The following MAGI2 variants were observed in gnomAD, a reference collection of about 807,000 sequenced individuals.
The protein encoded by MAGI2 is membrane-associated guanylate kinase, WW and PDZ domain-containing protein 2.
Under a neutral mutation model 133.3 loss-of-function variants are expected in MAGI2, and 35 were observed. The observed-to-expected ratio is 0.26, with a 90% CI of 0.20 to 0.35. The LOEUF is 0.35. Among genes scored for constraint, MAGI2 ranks in the 10% least tolerant of loss-of-function variants. The pLI is 1.00. For synonymous variants in MAGI2, 729 were observed against 710.6 expected (o/e 1.03, Z -0.41); for missense variants, 1,636 against 1,863.4 (o/e 0.88, Z 2.25).
intron 6 of MAGI2, among the ~76,000 whole-genome samples, chr7:78,420,635 G>A (rs975281549): frequency 6.6e-6 from 1 of 151,884 alleles, no homozygotes; most frequent in East Asian, 1.9e-4. Flanking sequence ...TCTGGAAATG[G>A]TCAGTTATCA....
chr7:78,513,124 AT>A (rs1047178722), intron 4 of MAGI2, among the ~76,000 whole-genome samples: 8 of 150,338 alleles, frequency 5.3e-5, no homozygotes, highest in Admixed American at 6.6e-5. Flanking sequence ...CTTGCCTTCA[AT>A]TTTTTTTTTA....
At chr7:78,671,903 A>T (rs1037991718) in intron 2 of MAGI2, among the ~76,000 whole-genome samples, 1 of 152,210 alleles carries the variant, frequency 6.6e-6, no homozygotes, top group Non-Finnish European at 1.5e-5. Context: ...TGATGACATT[A>T]ATTGGGAGGC....
intron 1 of MAGI2, chr7:79,410,428 G>A (rs562423787): frequency 6.6e-6 from 1 of 152,062 alleles, no homozygotes; most frequent in South Asian, 2.1e-4. Flanking sequence ...TGTACATTGT[G>A]GATGCTTAAT....
At chr7:78,965,463 G>A (rs1484178210) in intron 2 of MAGI2, among the ~76,000 whole-genome samples, 1 of 151,888 alleles carries the variant, frequency 6.6e-6, no homozygotes, top group Non-Finnish European at 1.5e-5. Context: ...ATGATAGAAT[G>A]TAGGAGAGAA....
chr7:78,517,498 A>G (rs1338538448), intron 4 of MAGI2, among the ~76,000 whole-genome samples: 1 of 152,186 alleles, frequency 6.6e-6, no homozygotes, highest in Non-Finnish European at 1.5e-5. Flanking sequence ...TAAGGACTTT[A>G]AGCAAAATTT....
chr7:79,155,893 A>G (rs866561740), intron 1 of MAGI2, among the ~76,000 whole-genome samples: 35 of 152,170 alleles, frequency 2.3e-4, no homozygotes, highest in African/African-American at 6.3e-4. Flanking sequence ...TGATGGAAGT[A>G]TAAGTGAAGA....
intron 1 of MAGI2, among the ~76,000 whole-genome samples, chr7:79,416,199 A>T (rs925815429): frequency 2.6e-5 from 4 of 152,136 alleles, no homozygotes; most frequent in African/African-American, 9.7e-5. Flanking sequence ...TTCTGACTCA[A>T]AGCCCACTGT....
chr7:79,223,110 C>A (rs1830580996), intron 1 of MAGI2, among the ~76,000 whole-genome samples: 2 of 152,014 alleles, frequency 1.3e-5, no homozygotes, highest in Admixed American at 1.3e-4. Context: ...TGGTCTCGAT[C>A]TCCTGACCTC....
chr7:78,272,403 G>A (rs1366266239), intron 9 of MAGI2, among the ~76,000 whole-genome samples: 2 of 152,192 alleles, frequency 1.3e-5, no homozygotes, highest in African/African-American at 2.4e-5. Context: ...GTGCTGAGAA[G>A]AATGTATATT....
chr7:78,555,232 AG>A (rs1799717562), intron 3 of MAGI2, among the ~76,000 whole-genome samples: 4 of 151,908 alleles, frequency 2.6e-5, no homozygotes, highest in Non-Finnish European at 5.9e-5. Context: ...ACAGATAGAT[AG>A]ATAGATAGAT....
At chr7:78,806,601 C>T (rs1278637676) in intron 2 of MAGI2, among the ~76,000 whole-genome samples, 5 of 152,108 alleles carry the variant, frequency 3.3e-5, no homozygotes, top group South Asian at 4.2e-4. Context: ...CAAGGTGACT[C>T]ACACTTGTAA....
chr7:79,311,635 T>C (rs902341634), intron 1 of MAGI2, among the ~76,000 whole-genome samples: 9 of 152,220 alleles, frequency 5.9e-5, no homozygotes, highest in Admixed American at 5.2e-4. Context: ...TTACGTACCA[T>C]CTACAAGCAG....
chr7:78,528,349 C>A (rs1209981966), intron 3 of MAGI2, among the ~76,000 whole-genome samples: 1 of 152,118 alleles, frequency 6.6e-6, no homozygotes. Context: ...ATTTTATACA[C>A]ATCAGAGATT....
At chr7:79,123,905 G>T (rs1203419711) in intron 1 of MAGI2, among the ~76,000 whole-genome samples, 1 of 145,122 alleles carries the variant, frequency 6.9e-6, no homozygotes, top group African/African-American at 2.5e-5. Context: ...TGTCTTATTT[G>T]TTGTCCACTC....
At chr7:78,325,381 C>A (rs1788480613) in intron 9 of MAGI2, among the ~76,000 whole-genome samples, 1 of 152,132 alleles carries the variant, frequency 6.6e-6, no homozygotes, top group East Asian at 1.9e-4. Flanking sequence ...TACTACCTGA[C>A]CTAACCTTAT....
intron 9 of MAGI2, among the ~76,000 whole-genome samples, chr7:78,275,186 C>A (rs1423694660): frequency 6.6e-6 from 1 of 152,142 alleles, no homozygotes; most frequent in Non-Finnish European, 1.5e-5. Flanking sequence ...CATGGCTTCC[C>A]TTGGGAAGGG....
At chr7:78,768,616 G>A (rs1425683749) in intron 2 of MAGI2, among the ~76,000 whole-genome samples, 1 of 152,114 alleles carries the variant, frequency 6.6e-6, no homozygotes, top group East Asian at 1.9e-4. Flanking sequence ...AAACACTTAC[G>A]AAACTGTTTC....
chr7:79,243,672 A>T (rs1832599135), intron 1 of MAGI2, among the ~76,000 whole-genome samples: 1 of 152,246 alleles, frequency 6.6e-6, no homozygotes, highest in South Asian at 2.1e-4. Flanking sequence ...ATGATTTCTG[A>T]CTTACTGCTG....
chr7:79,344,906 G>T (rs942313550), intron 1 of MAGI2, among the ~76,000 whole-genome samples: 1 of 152,066 alleles, frequency 6.6e-6, no homozygotes, highest in African/African-American at 2.4e-5. Flanking sequence ...TTGGGTACTT[G>T]TGGAAAACAA....
Sources: gnomAD v4.1 joint callset for allele counts (sites outside exome capture counted in the v4.1 genomes callset) on GRCh38, gnomAD v4.1.1 for gene constraint, MANE v1.5 for transcripts, NCBI Gene and HGNC (gene_info 2026-07-23, HGNC 2026-07-21) for gene names.